The following RCBTB1 variants were observed in gnomAD, a reference collection of about 807,000 sequenced individuals.
RCBTB1 encodes the protein RCC1 and BTB domain-containing protein 1.
In RCBTB1, 46 loss-of-function variants were observed where a neutral mutation model predicts 62.4. That is an observed-to-expected ratio of 0.74 (90% CI 0.58 to 0.94). The LOEUF is 0.94. RCBTB1 is among the 40% of genes least tolerant of loss of function. RCBTB1 has a pLI of 0.00. For synonymous variants in RCBTB1, 222 were observed against 245.8 expected (o/e 0.90, Z 0.91); for missense variants, 565 against 654.9 (o/e 0.86, Z 1.50).
intron 1 of RCBTB1, among the ~76,000 whole-genome samples, chr13:49,582,611 G>A (rs1043380722): frequency 6.6e-6 from 1 of 152,212 alleles, no homozygotes; most frequent in African/African-American, 2.4e-5. Flanking sequence ...TAAAGGTTAG[G>A]AATCCAGATG....
At chr13:49,563,355 CAAA>C (rs57586924) in intron 4 of RCBTB1, among the ~76,000 whole-genome samples, 1 of 52,206 alleles carries the variant, frequency 1.9e-5, no homozygotes. Flanking sequence ...GACCCTGCCT[CAAA>C]AAAAAAAAAA....
rs567112014 is a variant in RCBTB1, at chr13:49,532,433, G to A, written c.*1689C>T. On this transcript the variant is annotated 3_prime_UTR_variant, in exon 13 of 13. Transcript: ENST00000378302. ...CATACTGAAGTTCACATTTTGCTCA[G>A]ATCATAAGCCTATAGAACAGTGATT... The A allele has an allele frequency of 6.5e-6, 1 of 152,692 alleles. No homozygotes were observed. Among genetic ancestry groups the A allele is most frequent in the African/African-American group, 2.4e-5 (1 of 41,556 alleles). 9.5% of individuals were successfully genotyped at this position (152,692 alleles called of 1,614,324 possible).
chr13:49,546,727 T>C (rs1048687675), intron 9 of RCBTB1, among the ~76,000 whole-genome samples: 12 of 152,182 alleles, frequency 7.9e-5, no homozygotes, highest in Non-Finnish European at 1.2e-4. Flanking sequence ...TTACGCTTCT[T>C]TGAGAATCTA....
At chr13:49,556,736 CAG>C (rs1486697541) in intron 5 of RCBTB1, among the ~76,000 whole-genome samples, 1 of 152,180 alleles carries the variant, frequency 6.6e-6, no homozygotes, top group Admixed American at 6.5e-5. Flanking sequence ...GTTCATTTCA[CAG>C]GTACAAAACA....
intron 5 of RCBTB1, among the ~76,000 whole-genome samples, chr13:49,556,194 TG>T (rs1268179385): frequency 3.3e-4 from 48 of 145,670 alleles, no homozygotes; most frequent in African/African-American, 1.2e-3. Context: ...TGTTTTGCTT[TG>T]GTTTTTTTTT....
intron 5 of RCBTB1, among the ~76,000 whole-genome samples, chr13:49,559,538 C>T (rs910747959): frequency 6.6e-6 from 1 of 151,762 alleles, no homozygotes; most frequent in Admixed American, 6.6e-5. Flanking sequence ...TGCCTGTAGT[C>T]CCAGCTACTT....
At chr13:49,537,611 AAAT>A (rs1192807217) in intron 12 of RCBTB1, among the ~76,000 whole-genome samples, 2 of 152,236 alleles carry the variant, frequency 1.3e-5, no homozygotes, top group African/African-American at 2.4e-5. Flanking sequence ...CTGGTTAAAC[AAAT>A]AATACTTCCC....
At chr13:49,581,726 C>CA (rs1334344903) in intron 1 of RCBTB1, among the ~76,000 whole-genome samples, 2 of 152,194 alleles carry the variant, frequency 1.3e-5, no homozygotes, top group Admixed American at 6.5e-5. Flanking sequence ...AACCAGGAGA[C>CA]AGAGTGTCAC....
chr13:49,534,348 A>C, intron 12 of RCBTB1, 86 bp from the exon 13 acceptor site: 1 of 1,334,114 alleles, frequency 7.5e-7, no homozygotes, highest in Non-Finnish European at 1.0e-6. Flanking sequence ...TTTACCCCAA[A>C]TCTCTCACCC....
chr13:49,555,927 T>C (rs1170547804), intron 5 of RCBTB1, among the ~76,000 whole-genome samples: 2 of 152,198 alleles, frequency 1.3e-5, no homozygotes, highest in Non-Finnish European at 2.9e-5. Flanking sequence ...GTTAAGTGAC[T>C]TGCTTGAGGT....
intron 5 of RCBTB1, among the ~76,000 whole-genome samples, chr13:49,557,085 T>C (rs560203022): frequency 2.4e-4 from 37 of 152,150 alleles, no homozygotes; most frequent in Non-Finnish European, 4.9e-4. Context: ...CATGAAATCT[T>C]GGTCTCCCTG....
At chr13:49,537,399 C>T (rs568529827) in intron 12 of RCBTB1, among the ~76,000 whole-genome samples, 1 of 152,348 alleles carries the variant, frequency 6.6e-6, no homozygotes, top group South Asian at 2.1e-4. Context: ...CAGCCTACTG[C>T]TGATCAAAGA....
chr13:49,575,665 A>C (rs891571462), intron 2 of RCBTB1, among the ~76,000 whole-genome samples: 3 of 152,174 alleles, frequency 2.0e-5, no homozygotes, highest in Non-Finnish European at 4.4e-5. Flanking sequence ...ACATGTTGTC[A>C]CTTAGAAATG....
intron 2 of RCBTB1, among the ~76,000 whole-genome samples, chr13:49,569,867 C>A (rs367646872): frequency 6.6e-6 from 1 of 152,030 alleles, no homozygotes; most frequent in African/African-American, 2.4e-5. Flanking sequence ...GAGATCACAA[C>A]GCTGCACTCT....
rs1213853078 is a variant in RCBTB1 at position 49,565,506 on chromosome 13, C to T, written c.277+1112G>A. On this transcript the variant is annotated intron_variant, in intron 4 of 12. Coordinates refer to ENST00000378302, the MANE Select transcript of RCBTB1 (RefSeq NM_018191.4). ...CTGGGATGTGAGGAGCCCCTCTGCC[C>T]GGCTGCCCAGTCTGGGAAGTGAGGA... 2.6e-4 allele frequency among the ~76,000 whole-genome samples: 39 copies of T among 150,852 alleles called. 2 individuals carry two copies. The South Asian group carries it at 7.2e-3, about 28-fold the overall frequency.
rs1229545299 is a variant in RCBTB1, at chr13:49,555,498, G to A, written c.603+17C>T. The A allele has an allele frequency of 5.6e-6, 9 of 1,606,708 alleles. No individual in the cohort carries two copies. The East Asian group carries it at 1.8e-4, about 32-fold the overall frequency. Reference sequence around the variant, plus strand: ...AAAAAGAAGGTAGAAAGGGAAATGGGAGTGGAGACACCTCACCTCGCCATT... The same window carrying A: ...AAAAAGAAGGTAGAAAGGGAAATGGAAGTGGAGACACCTCACCTCGCCATT... On this transcript the variant is annotated intron_variant, in intron 6 of 12. Transcript: ENST00000378302.
intron 1 of RCBTB1, among the ~76,000 whole-genome samples, chr13:49,582,747 T>C (rs912226907): frequency 1.3e-5 from 2 of 152,218 alleles, no homozygotes; most frequent in Non-Finnish European, 2.9e-5. Context: ...ATTATACCCA[T>C]CCTAGTGGAT....
In RCBTB1 at chr13:49,533,731, A is replaced by ACTAT. The variant is rs1959718452; in HGVS notation, c.*387_*390dup. 1 of 155,436 alleles carries ACTAT rather than the reference A, an allele frequency of 6.4e-6. No individual in the cohort carries two copies. Among genetic ancestry groups the ACTAT allele is most frequent in the Admixed American group, 6.4e-5 (1 of 15,540 alleles). The allele number at this position is 155,436 out of a possible 1,614,324, so 9.6% of individuals were successfully genotyped here. On this transcript the variant is annotated 3_prime_UTR_variant, in exon 13 of 13. Transcript: ENST00000378302. ...TCTCCATTCATCTCACAATTCCCCA[A>ACTAT]CTATCACTGCTCCTGCTGTCAGAAG...
At chr13:49,582,938 A>G (rs1964191142) in intron 1 of RCBTB1, among the ~76,000 whole-genome samples, 1 of 152,136 alleles carries the variant, frequency 6.6e-6, no homozygotes, top group Admixed American at 6.5e-5. Flanking sequence ...ACATTTTGGG[A>G]GGCCAAGGCG....
Sources: gnomAD v4.1 joint callset for allele counts (sites outside exome capture counted in the v4.1 genomes callset) on GRCh38, gnomAD v4.1.1 for gene constraint, MANE v1.5 for transcripts, NCBI Gene and HGNC (gene_info 2026-07-23, HGNC 2026-07-21) for gene names.